PRH1: variants seen among roughly 807,000 people sequenced by gnomAD.
PRH1 encodes the protein proline rich protein HaeIII subfamily 1, also known as salivary acidic proline-rich phosphoprotein 1/2.
A neutral mutation model predicts 7.9 loss-of-function variants in PRH1; 7 were observed. The observed-to-expected ratio is 0.89, with a 90% confidence interval of 0.50 to 1.67. The LOEUF (loss-of-function observed/expected upper bound fraction) is 1.67. Ranked by LOEUF, PRH1 falls within the 40% of genes most tolerant of loss-of-function variation. PRH1 has a pLI of 0.00. For missense variants in PRH1, 109 were observed against 223.6 expected, an observed-to-expected ratio of 0.49 and a Z score of 3.27; for synonymous variants, 45 against 80.8, an observed-to-expected ratio of 0.56 and a Z score of 2.38.
At chr12:10,973,611 T>C (rs1938937679) in intron 2 of PRH1, 1 of 764,876 alleles carries the variant, frequency 1.3e-6, no homozygotes, top group Non-Finnish European at 2.4e-6. Context: ...CAAGTGTTGC[T>C]AGGTTTTCAT....
At chr12:11,147,435 G>A (rs1408486895) in intron 1 of PRH1, among the ~76,000 whole-genome samples, 2 of 152,144 alleles carry the variant, frequency 1.3e-5, no homozygotes, top group East Asian at 3.9e-4. Flanking sequence ...GAATCCACCT[G>A]CCTGGGCCTC....
intron 1 of PRH1, among the ~76,000 whole-genome samples, chr12:11,039,941 T>C (rs1426147770): frequency 6.4e-5 from 9 of 140,790 alleles, no homozygotes; most frequent in African/African-American, 2.2e-4. Context: ...TAGCCCTGCT[T>C]TTCCACTTGG....
chr12:11,030,886 T>G lies in PRH1; in HGVS notation c.-126+16134A>C, dbSNP rs774681705. 1.5e-5 allele frequency: 23 copies of G among 1,532,428 alleles called. No individual in the cohort carries two copies. In the Middle Eastern group the frequency reaches 1.0e-3, roughly 70 times the overall value. The allele number at this position is 1,532,428 out of a possible 1,614,324, so 94.9% of individuals were successfully genotyped here. A position where few individuals can be genotyped will look rare whatever the true frequency, so the allele number is the denominator to read the frequency against. On this transcript the variant is annotated intron_variant, in intron 1 of 3. Coordinates refer to the PRH1 transcript ENST00000539853. ...CATATTCTTTTGTCCGTACAATCTCTTTCATGTTTATCACAAAAAGTTGAC... is the reference window on the plus strand; with the variant it reads ...CATATTCTTTTGTCCGTACAATCTCGTTCATGTTTATCACAAAAAGTTGAC...
At chr12:11,076,440 A>T (rs1483942398) in intron 1 of PRH1, among the ~76,000 whole-genome samples, 1 of 124,466 alleles carries the variant, frequency 8.0e-6, no homozygotes, top group Non-Finnish European at 1.8e-5. Flanking sequence ...TTTAAGATAG[A>T]GAATATTTGA....
At chr12:11,020,363 G>GAGATATATAT (rs1565557194) in intron 1 of PRH1, among the ~76,000 whole-genome samples, 2 of 87,584 alleles carry the variant, frequency 2.3e-5, no homozygotes, top group Non-Finnish European at 2.3e-5. Context: ...TATGATAAGC[G>GAGATATATAT]ATATATATAT....
At chr12:11,083,377 G>A (rs1423559300) in intron 1 of PRH1, among the ~76,000 whole-genome samples, 2 of 129,198 alleles carry the variant, frequency 1.5e-5, no homozygotes, top group African/African-American at 5.4e-5. Context: ...AATTTTTCTT[G>A]GATTTCTTAC....
At chr12:10,958,407 C>T (rs1281257753) in intron 2 of PRH1, among the ~76,000 whole-genome samples, 1 of 151,900 alleles carries the variant, frequency 6.6e-6, no homozygotes, top group Non-Finnish European at 1.5e-5. Context: ...TCTATGTGAA[C>T]AGAGAGAAGG....
chr12:11,075,220 TA>T (rs1944244860), intron 1 of PRH1, among the ~76,000 whole-genome samples: 1 of 132,282 alleles, frequency 7.6e-6, no homozygotes, highest in Non-Finnish European at 1.7e-5. Context: ...AAATAATGTG[TA>T]AGAAAGGTGA....
At chr12:11,035,175 T>C (rs1020602130) in intron 1 of PRH1, among the ~76,000 whole-genome samples, 4 of 152,014 alleles carry the variant, frequency 2.6e-5, no homozygotes, top group African/African-American at 9.7e-5. Flanking sequence ...GTGTCTGAAG[T>C]CTGATAGTTT....
At chr12:11,152,681 G>T (rs1156973168) in intron 1 of PRH1, among the ~76,000 whole-genome samples, 8 of 152,188 alleles carry the variant, frequency 5.3e-5, no homozygotes, top group African/African-American at 1.7e-4. Context: ...GCCTTTGCAT[G>T]TAACTTTGCT....
intron 3 of PRH1, among the ~76,000 whole-genome samples, chr12:10,881,944 G>A (rs1056729369): frequency 6.6e-5 from 10 of 152,072 alleles, no homozygotes; most frequent in African/African-American, 2.2e-4. Context: ...AGCCAAAGGG[G>A]GAACATGGTT....
intron 2 of PRH1, among the ~76,000 whole-genome samples, chr12:10,945,685 C>A (rs1950475840): frequency 6.6e-6 from 1 of 152,156 alleles, no homozygotes; most frequent in Non-Finnish European, 1.5e-5. Flanking sequence ...TGAGAGCAGA[C>A]AACCGGTTTG....
At chr12:11,114,939 G>A (rs951067172) in intron 1 of PRH1, among the ~76,000 whole-genome samples, 7 of 152,054 alleles carry the variant, frequency 4.6e-5, no homozygotes, top group Admixed American at 1.3e-4. Flanking sequence ...TATATCACCA[G>A]AGAAAATAAC....
rs115201376 is a variant in PRH1 at position 10,893,215 on chromosome 12, A to C, written c.-58-8940T>G. The stretch of plus-strand genomic sequence containing the variant: ...TTGTCCTCGTACAGTTATCAGGTAA[A>C]ATACAGAGTGTGTCAGTTCAATTTG... On this transcript the variant is annotated intron_variant, in intron 2 of 3. Transcript: ENST00000539853. Among the ~76,000 whole-genome samples the C allele has an allele frequency of 4.6e-3, 699 of 152,250 alleles. 5 individuals are homozygous for C. The highest frequency in any genetic ancestry group is 0.016 in the African/African-American group (673 of 41,552).
At chr12:10,982,665 A>G (rs1259026750) in intron 1 of PRH1, among the ~76,000 whole-genome samples, 2 of 152,172 alleles carry the variant, frequency 1.3e-5, no homozygotes, top group Non-Finnish European at 2.9e-5. Context: ...TATTACATAA[A>G]GTGGTACCCA....
intron 1 of PRH1, among the ~76,000 whole-genome samples, chr12:11,071,127 AC>A (rs1944047938): frequency 7.0e-5 from 2 of 28,482 alleles, no homozygotes; most frequent in Admixed American, 5.0e-4. Context: ...GTGCTCCGAG[AC>A]CAATCTCTCC....
Position 11,002,330 on chromosome 12 carries a change from G to A in PRH1, c.-125-28609C>T, listed in dbSNP as rs576314672. ...CTGCGTTTCAGGGTGATGGGCTCATGAACTTGTTTCTTATATTATTCTCAG... is the reference window on the plus strand; with the variant it reads ...CTGCGTTTCAGGGTGATGGGCTCATAAACTTGTTTCTTATATTATTCTCAG... On this transcript the variant is annotated intron_variant, in intron 1 of 3. Coordinates refer to the PRH1 transcript ENST00000539853. 6.6e-5 allele frequency among the ~76,000 whole-genome samples: 10 copies of A among 152,164 alleles called. No homozygotes were observed. The South Asian group carries it at 2.1e-3, about 32-fold the overall frequency.
At chr12:10,930,698 G>T in intron 2 of PRH1, 3 of 1,613,858 alleles carry the variant, frequency 1.9e-6, no homozygotes, top group Non-Finnish European at 2.5e-6. Context: ...GATGAGGAGC[G>T]TCAGGGACCA....
In PRH1 at chr12:10,997,762, T is replaced by C. The variant is rs777583736; in HGVS notation, c.-125-24041A>G. On this transcript the variant is annotated intron_variant, in intron 1 of 3. Transcript: ENST00000539853. ...TTTGATCAGCTGAGGAGATCTTTTG[T>C]CTCTTGACCCAGGCAATGAAATTTA... 5 of 1,613,932 alleles carry C rather than the reference T, an allele frequency of 3.1e-6. No homozygotes were observed. In the South Asian group the frequency reaches 5.5e-5, roughly 18 times the overall value.
Sources: allele counts gnomAD v4.1 joint callset (sites outside exome capture counted in the v4.1 genomes callset), GRCh38; gene constraint gnomAD v4.1.1; transcripts MANE v1.5; gene names NCBI Gene and HGNC (gene_info 2026-07-23, HGNC 2026-07-21).